The following DNAH8 variants were observed in gnomAD, a reference collection of about 807,000 sequenced individuals.
The protein encoded by DNAH8 is axonemal beta dynein heavy chain 8.
Under a neutral mutation model 562.1 loss-of-function variants are expected in DNAH8, and 382 were observed. That is an observed-to-expected ratio of 0.68 (90% CI 0.63 to 0.74). DNAH8 has a LOEUF of 0.74. DNAH8 is among the 30% of genes least tolerant of loss of function. The probability of loss-of-function intolerance (pLI) is 0.00; values close to 1 mark genes in which losing one functional copy is unlikely to be tolerated. For missense variants in DNAH8, 5,203 were observed against 5,620.4 expected, an observed-to-expected ratio of 0.93 and a Z score of 2.37; for synonymous variants, 1,881 against 1,919.4, an observed-to-expected ratio of 0.98 and a Z score of 0.52.
At chr6:38,737,758 A>T (rs1209034251) in intron 6 of DNAH8, 51 bp from the exon 7 acceptor site, 21 of 786,812 alleles carry the variant, frequency 2.7e-5, no homozygotes, top group Non-Finnish European at 3.2e-5. Context: ...TAATATATTT[A>T]AAATATTTAA....
intron 18 of DNAH8, among the ~76,000 whole-genome samples, chr6:38,787,694 TCAAAAAAAAAAA>T (rs774136619): frequency 2.0e-5 from 1 of 50,694 alleles, no homozygotes. Flanking sequence ...AGACTCCATC[TCAAAAAAAAAAA>T]AAAAAAAAAA....
intron 88 of DNAH8, among the ~76,000 whole-genome samples, chr6:38,997,462 G>T (rs1224818463): frequency 1.6e-4 from 24 of 152,192 alleles, no homozygotes; most frequent in Admixed American, 1.0e-3. Flanking sequence ...CTGGGAGCTG[G>T]GGTAGTGGAG....
At chr6:39,013,136 A>C (rs147849129) in intron 91 of DNAH8, among the ~76,000 whole-genome samples, 1 of 152,302 alleles carries the variant, frequency 6.6e-6, no homozygotes, top group East Asian at 1.9e-4. Flanking sequence ...AGAGTGCTTT[A>C]TAATTCTGCT....
At chr6:39,018,561 C>T (rs112856040) in intron 91 of DNAH8, among the ~76,000 whole-genome samples, 63 of 152,336 alleles carry the variant, frequency 4.1e-4, no homozygotes, top group African/African-American at 1.4e-3. Flanking sequence ...ATGCTCATTC[C>T]TCACTTCCAC....
At chr6:38,858,599 C>T (rs1365597630) in intron 42 of DNAH8, among the ~76,000 whole-genome samples, 1 of 152,196 alleles carries the variant, frequency 6.6e-6, no homozygotes, top group Non-Finnish European at 1.5e-5. Context: ...AATCTCCAGC[C>T]TCCCTCCTCC....
rs77540135 is a variant in DNAH8, at chr6:38,929,596, A to G, written c.11204A>G (p.His3735Arg). The G allele has an allele frequency of 3.8e-3, 6,174 of 1,612,762 alleles. 89 individuals are homozygous for G. Among genetic ancestry groups the G allele is most frequent in the African/African-American group, 0.038 (2,829 of 74,818 alleles). ...LGRPLLIEDI[H>R]EELDPALDNV... ...CGACCCCTTCTCATTGAGGACATTC[A>G]TGAAGAGCTGGATCCAGCCTTGGAT... Residue 3735 changes from histidine (H) to arginine (R), a missense_variant, in exon 75 of 93, where the codon CAT becomes CGT. By Grantham distance (29) the His-to-Arg change is conservative. Coordinates refer to ENST00000327475, the MANE Select transcript of DNAH8 (RefSeq NM_001206927.2).
Position 38,911,519 on chromosome 6 carries a change from T to C in DNAH8, c.9792T>C (p.Asn3264=), listed in dbSNP as rs1340963053. Residue 3264 remains asparagine (N), a synonymous_variant, in exon 66 of 93, where the codon AAT becomes AAC. Coordinates refer to ENST00000327475, the MANE Select transcript of DNAH8 (RefSeq NM_001206927.2). ...CCAAATCTTACCTCTCATTTATAAA[T>C]GGTTATAAAAACATTTATGCTGAAA... ...VTPKSYLSFI[N]GYKNIYAEKV... 2 of 1,613,934 alleles carry C rather than the reference T, an allele frequency of 1.2e-6. No homozygotes were observed. The highest frequency in any genetic ancestry group is 8.5e-7 in the Non-Finnish European group (1 of 1,179,856).
chr6:38,742,154 T>C (rs1427870165), intron 8 of DNAH8, among the ~76,000 whole-genome samples: 3 of 152,232 alleles, frequency 2.0e-5, no homozygotes. Flanking sequence ...TTTTTGAAAT[T>C]GTAAATCAAT....
rs1170873978 is a variant in DNAH8, at chr6:38,781,455, GC to G, written c.2259+83del. On this transcript the variant is annotated intron_variant, in intron 16 of 92. Transcript: ENST00000327475. ...ATATCATATCCTATAATATTTGTGT[GC>G]ATTAAAGTAGCCAACAACGAGCCAA... The G allele has an allele frequency of 2.7e-6, 4 of 1,471,230 alleles. No individual in the cohort carries two copies. In the East Asian group the frequency reaches 9.7e-5, roughly 36 times the overall value. The allele number at this position is 1,471,230 out of a possible 1,614,324, so 91.1% of individuals were successfully genotyped here. A position where few individuals can be genotyped will look rare whatever the true frequency, so the allele number is the denominator to read the frequency against.
In DNAH8 at chr6:38,829,998, C is replaced by T. The variant is rs115347029; in HGVS notation, c.4188+1710C>T. 6.8e-3 allele frequency among the ~76,000 whole-genome samples: 1,029 copies of T among 152,222 alleles called. 9 individuals carry two copies. The highest frequency in any genetic ancestry group is 0.013 in the Admixed American group (195 of 15,282). ...TTCTGTTAGGCTGGTAGTGATGTCC[C>T]CTTTTTCATTCCTAATTTTAGTAAT... On this transcript the variant is annotated intron_variant, in intron 30 of 92. Transcript: ENST00000327475.
Position 38,813,410 on chromosome 6 carries a change from C to A in DNAH8, c.3258-644C>A, listed in dbSNP as rs116242037. ...TTTCTTGTGATCCCCTCCCACCCCC[C>A]ATCTGCTTGTATTTAGAAATGGAGG... On this transcript the variant is annotated intron_variant, in intron 24 of 92. Transcript: ENST00000327475. Among the ~76,000 whole-genome samples, 725 of 152,110 alleles carry A rather than the reference C, an allele frequency of 4.8e-3. 10 individuals are homozygous for A. The highest frequency in any genetic ancestry group is 0.017 in the African/African-American group (703 of 41,494).
intron 91 of DNAH8, among the ~76,000 whole-genome samples, chr6:39,016,096 G>A (rs1275950881): frequency 6.6e-6 from 1 of 152,210 alleles, no homozygotes; most frequent in East Asian, 1.9e-4. Flanking sequence ...AACAGATAGA[G>A]TCCTTTCCCA....
In DNAH8 at chr6:38,848,663, T is replaced by TA. The variant is rs778628413; in HGVS notation, c.5069dup (p.Asn1690LysfsTer8). On this transcript the variant is annotated frameshift_variant, in exon 37 of 93. Transcript: ENST00000327475. LOFTEE classifies it high-confidence loss of function. ...TACCTTTTAGATACAATGCTCCATTTAAAAAAAATATCCAGAATTGGGTGT... is the reference window on the plus strand; with the variant it reads ...TACCTTTTAGATACAATGCTCCATTTAAAAAAAAATATCCAGAATTGGGTGT... 9.3e-6 allele frequency: 15 copies of TA among 1,607,600 alleles called. No individual in the cohort carries two copies. In the Admixed American group the frequency reaches 1.2e-4, roughly 13 times the overall value.
chr6:38,781,218 T>G, intron 15 of DNAH8, 36 bp from the exon 16 acceptor site: 2 of 1,611,958 alleles, frequency 1.2e-6, no homozygotes, highest in Non-Finnish European at 1.7e-6. Context: ...TCCCTTGTAT[T>G]GAATTCAAAC....
Position 38,770,424 on chromosome 6 carries a change from T to C in DNAH8, c.1629T>C (p.Phe543=), listed in dbSNP as rs1486287258. The part of the protein sequence containing the change: ...VVLKKIQDCI[F]LFKEYQASFH... ...TACTTTTCTCATAGGACTGCATTTT[T>C]CTATTCAAGGAATATCAGGCATCTT... The change falls in exon 12 of 93, where the codon TTT becomes TTC. Residue 543 remains phenylalanine (F), a synonymous_variant. Transcript: ENST00000327475. The C allele has an allele frequency of 6.3e-7, 1 of 1,582,272 alleles. No individual in the cohort carries two copies. Among genetic ancestry groups the C allele is most frequent in the Non-Finnish European group, 8.6e-7 (1 of 1,164,078 alleles).
intron 88 of DNAH8, among the ~76,000 whole-genome samples, chr6:39,007,198 C>T (rs1765851875): frequency 6.6e-6 from 1 of 152,160 alleles, no homozygotes; most frequent in Non-Finnish European, 1.5e-5. Context: ...ACCATACCGT[C>T]AGAAATGTAA....
intron 91 of DNAH8, among the ~76,000 whole-genome samples, chr6:39,021,001 C>A (rs1425738802): frequency 6.6e-6 from 1 of 152,096 alleles, no homozygotes; most frequent in Non-Finnish European, 1.5e-5. Context: ...GTCTTTATAG[C>A]AGAATGATTT....
intron 57 of DNAH8, among the ~76,000 whole-genome samples, chr6:38,888,356 C>T (rs1310298752): frequency 2.0e-5 from 3 of 151,570 alleles, no homozygotes; most frequent in African/African-American, 7.3e-5. Context: ...AAATGAGACT[C>T]AGAAAGCACA....
intron 41 of DNAH8, among the ~76,000 whole-genome samples, 192 bp downstream of exon 41, chr6:38,853,539 A>G (rs1293632126): frequency 6.6e-6 from 1 of 152,072 alleles, no homozygotes; most frequent in Non-Finnish European, 1.5e-5. Flanking sequence ...AGACCAACCC[A>G]TCCCATGTCC....
Sources: allele counts gnomAD v4.1 joint callset (sites outside exome capture counted in the v4.1 genomes callset), GRCh38; gene constraint gnomAD v4.1.1; transcripts MANE v1.5; gene names NCBI Gene and HGNC (gene_info 2026-07-23, HGNC 2026-07-21).